Variants in POF1B observed in about 807,000 individuals in gnomAD.
POF1B encodes protein POF1B.
POF1B carries 53 observed loss-of-function variants against 55.3 expected under a neutral mutation model. The observed-to-expected ratio is 0.96, with a 90% CI of 0.77 to 1.20. The LOEUF (loss-of-function observed/expected upper bound fraction) is 1.20. Ranked by LOEUF, POF1B falls within the 50% of genes most tolerant of loss-of-function variation. The pLI, the probability that POF1B is intolerant of heterozygous loss-of-function variation, is 0.00. For missense variants in POF1B, 478 were observed against 420.5 expected (o/e 1.14, Z -1.20); for synonymous variants, 188 against 148.3 (o/e 1.27, Z -1.95).
intron 6 of POF1B, among the ~76,000 whole-genome samples, chrX:85,338,167 C>A (rs1218288868): frequency 1.8e-5 from 2 of 111,079 alleles, no homozygotes; most frequent in Admixed American, 1.9e-4. Flanking sequence ...AATAATAATG[C>A]TGATTCTGCA....
intron 4 of POF1B, among the ~76,000 whole-genome samples, chrX:85,355,099 C>A (rs903115669): frequency 9.0e-6 from 1 of 111,239 alleles, no homozygotes; most frequent in African/African-American, 3.3e-5. Context: ...GGTACTGGTA[C>A]CAAAACAGAG....
chrX:85,367,264 T>C (rs1434023976), intron 3 of POF1B, among the ~76,000 whole-genome samples: 1 of 111,964 alleles, frequency 8.9e-6, no homozygotes, highest in Non-Finnish European at 1.9e-5. Context: ...CCATAAAGGC[T>C]AAGGAAATAG....
intron 2 of POF1B, among the ~76,000 whole-genome samples, chrX:85,378,136 A>T: frequency 9.0e-6 from 1 of 111,393 alleles, no homozygotes. Context: ...TGACCTCAGT[A>T]TAAGTGGAGT....
At chrX:85,359,077 A>T (rs1245955759) in intron 4 of POF1B, among the ~76,000 whole-genome samples, 1 of 111,119 alleles carries the variant, frequency 9.0e-6, no homozygotes. Context: ...AAGTTCACAC[A>T]CCACAGGCAA....
At chrX:85,318,833 G>T (rs184004237) in intron 7 of POF1B, among the ~76,000 whole-genome samples, 1 of 111,511 alleles carries the variant, frequency 9.0e-6, no homozygotes, top group East Asian at 2.8e-4. Context: ...TTTTTGCTTA[G>T]GATTGTCTTG....
At chrX:85,359,707 A>G (rs905126232) in intron 3 of POF1B, 77 bp from the exon 4 acceptor site, 1 of 653,266 alleles carries the variant, frequency 1.5e-6, no homozygotes, top group African/African-American at 2.3e-5. Flanking sequence ...AATAGGGAAC[A>G]ATTTCCAGGG....
At chrX:85,350,174 C>G (rs1430261114) in intron 5 of POF1B, among the ~76,000 whole-genome samples, 2 of 109,170 alleles carry the variant, frequency 1.8e-5, no homozygotes, top group Admixed American at 2.0e-4. Flanking sequence ...CTAAAGCTAT[C>G]CCTCCCCCGT....
At chrX:85,325,046 C>T (rs1349024413) in intron 7 of POF1B, among the ~76,000 whole-genome samples, 1 of 111,963 alleles carries the variant, frequency 8.9e-6, no homozygotes, top group Non-Finnish European at 1.9e-5. Context: ...TGTAGGATTT[C>T]TACTGACAGG....
At chrX:85,336,612 G>A (rs1049487087) in intron 6 of POF1B, among the ~76,000 whole-genome samples, 1 of 111,084 alleles carries the variant, frequency 9.0e-6, no homozygotes, top group African/African-American at 3.3e-5. Context: ...ACCTTCTATT[G>A]AGAAATCTCT....
At chrX:85,295,474 G>A (rs1932289659) in intron 15 of POF1B, among the ~76,000 whole-genome samples, 1 of 111,334 alleles carries the variant, frequency 9.0e-6, no homozygotes, top group Admixed American at 9.6e-5. Context: ...TCTTGATTTT[G>A]TTGTTCACCC....
intron 15 of POF1B, among the ~76,000 whole-genome samples, chrX:85,299,929 T>C (rs1456639477): frequency 8.9e-6 from 1 of 112,853 alleles, no homozygotes; most frequent in African/African-American, 3.2e-5. Context: ...CTGTTGATTC[T>C]GTGGAAAACT....
intron 3 of POF1B, 76 bp downstream of exon 3, chrX:85,367,616 G>C: frequency 1.4e-6 from 1 of 736,324 alleles, no homozygotes; most frequent in Non-Finnish European, 2.1e-6. Context: ...GGGGTCTAAA[G>C]ATTGCTTACA....
Position 85,379,222 on chromosome X carries a change from A to G in POF1B, c.233T>C (p.Leu78Pro). 8.3e-7 allele frequency: 1 copy of G among 1,211,003 alleles called. No homozygotes were observed. The highest frequency in any genetic ancestry group is 3.0e-5 in the East Asian group (1 of 33,787). ...PFNSREVLSPLKTTSSYQNLV... is the reference protein window; with the variant it reads ...PFNSREVLSPPKTTSSYQNLV... ...ATTTTGGTAGGAGGAGGTGGTTTTG[A>G]GAGGGGAGAGCACTTCCCGTGAGTT... Residue 78 changes from leucine (L) to proline (P), a missense_variant, in exon 2 of 17, where the codon CTC becomes CCC. By Grantham distance (98) the Leu-to-Pro change is moderately conservative. Coordinates refer to ENST00000262753, the MANE Select transcript of POF1B (RefSeq NM_024921.4).
At chrX:85,319,481 T>G (rs1932815960) in intron 7 of POF1B, among the ~76,000 whole-genome samples, 1 of 111,411 alleles carries the variant, frequency 9.0e-6, no homozygotes, top group Admixed American at 9.6e-5. Context: ...TTTTGCCCAT[T>G]TAGTATGATG....
chrX:85,281,728 A>AT (rs1352803583), intron 16 of POF1B, among the ~76,000 whole-genome samples: 1 of 103,501 alleles, frequency 9.7e-6, no homozygotes, highest in African/African-American at 3.9e-5. Context: ...CCTAATATAT[A>AT]TAATATATAT....
intron 16 of POF1B, 131 bp from the exon 17 acceptor site, chrX:85,279,557 G>T: frequency 2.0e-6 from 1 of 502,183 alleles, no homozygotes. Context: ...CACTTTTGTG[G>T]CACTCTTTTA....
At chrX:85,307,703 G>T (rs1301443161) in intron 10 of POF1B, among the ~76,000 whole-genome samples, 1 of 111,346 alleles carries the variant, frequency 9.0e-6, no homozygotes, top group African/African-American at 3.3e-5. Flanking sequence ...ATGGCACCAA[G>T]AACACCAATT....
intron 15 of POF1B, among the ~76,000 whole-genome samples, chrX:85,282,523 G>C (rs1931927552): frequency 9.0e-6 from 1 of 111,311 alleles, no homozygotes; most frequent in Non-Finnish European, 1.9e-5. Flanking sequence ...ATAAAATAGA[G>C]GGACTTCTGT....
In POF1B at chrX:85,299,787, C is replaced by G. The variant is rs754146649; in HGVS notation, c.1649+3619G>C. Among the ~76,000 whole-genome samples the G allele has an allele frequency of 3.6e-5, 4 of 112,092 alleles. No individual in the cohort carries two copies. In the South Asian group the frequency reaches 1.1e-3, roughly 31 times the overall value. On this transcript the variant is annotated intron_variant, in intron 15 of 16. Transcript: ENST00000262753. ...CCTCCCAAAGTGCTGGGATTACAGG[C>G]GTGAGCCACCGCGCCCGACCCTTAA... is the stretch of plus-strand genomic sequence containing the variant.
Sources: allele counts gnomAD v4.1 joint callset (sites outside exome capture counted in the v4.1 genomes callset), GRCh38; gene constraint gnomAD v4.1.1; transcripts MANE v1.5; gene names NCBI Gene and HGNC (gene_info 2026-07-23, HGNC 2026-07-21).